The following RFX7 variants were observed in gnomAD, a reference collection of about 807,000 sequenced individuals.
RFX7 encodes regulatory factor X7.
Under a neutral mutation model 111.8 loss-of-function variants are expected in RFX7, and 26 were observed. That is an observed-to-expected ratio of 0.23 (90% CI 0.17 to 0.32). The LOEUF is 0.32. Among genes scored for constraint, RFX7 ranks in the 10% least tolerant of loss-of-function variants. The probability of loss-of-function intolerance (pLI) is 1.00; values close to 1 mark genes in which losing one functional copy is unlikely to be tolerated. For synonymous variants in RFX7, 624 were observed against 624.4 expected (o/e 1.00, Z 0.01); for missense variants, 1,573 against 1,772.9 (o/e 0.89, Z 2.02).
intron 2 of RFX7, among the ~76,000 whole-genome samples, chr15:56,235,234 C>T (rs568641661): frequency 7.9e-5 from 12 of 151,346 alleles, no homozygotes; most frequent in East Asian, 1.9e-4. Flanking sequence ...AGTGCAGTGG[C>T]GTGATCTTGG....
chr15:56,244,722 T>C (rs1460923268), upstream of RFX7, among the ~76,000 whole-genome samples: 1 of 152,006 alleles, frequency 6.6e-6, no homozygotes, highest in Non-Finnish European at 1.5e-5. Context: ...AAGAAACGCA[T>C]GTAGTACTCA....
In RFX7 at chr15:56,243,109, T is replaced by A. The variant is rs1328840717; in HGVS notation, c.161+16A>T. On this transcript the variant is annotated intron_variant, in intron 2 of 9. Transcript: ENST00000559447. ...TGCCTGGGCTTTTTCACGCGAGCGA[T>A]GGAGGATCCTCTTACCAGATGGAGT... 4 of 1,358,442 alleles carry A rather than the reference T, an allele frequency of 2.9e-6. No homozygotes were observed. The highest frequency in any genetic ancestry group is 3.0e-5 in the African/African-American group (2 of 66,922). The allele number at this position is 1,358,442 out of a possible 1,614,324, so 84.1% of individuals were successfully genotyped here.
At chr15:56,228,892 T>A (rs1479305079) in intron 2 of RFX7, among the ~76,000 whole-genome samples, 2 of 152,144 alleles carry the variant, frequency 1.3e-5, no homozygotes, top group African/African-American at 4.8e-5. Flanking sequence ...ATTTATAAAT[T>A]AGGCATAGTA....
At chr15:56,235,991 T>C (rs2043619010) in intron 2 of RFX7, among the ~76,000 whole-genome samples, 1 of 152,168 alleles carries the variant, frequency 6.6e-6, no homozygotes, top group African/African-American at 2.4e-5. Context: ...GATCTTTCAC[T>C]TTCTGCACTC....
intron 5 of RFX7, among the ~76,000 whole-genome samples, chr15:56,124,605 A>T (rs1271341286): frequency 6.6e-6 from 1 of 152,120 alleles, no homozygotes; most frequent in Non-Finnish European, 1.5e-5. Flanking sequence ...TTCCCTGATG[A>T]TTAGTGATGT....
intron 2 of RFX7, among the ~76,000 whole-genome samples, chr15:56,207,754 G>A (rs796373140): frequency 1.6e-4 from 25 of 152,136 alleles, no homozygotes; most frequent in African/African-American, 5.3e-4. Context: ...GTAAGAAGCT[G>A]TAAGTCAACA....
intron 5 of RFX7, among the ~76,000 whole-genome samples, chr15:56,126,401 G>A (rs2042146149): frequency 6.6e-6 from 1 of 152,170 alleles, no homozygotes; most frequent in African/African-American, 2.4e-5. Context: ...CTGAAATAAA[G>A]TAGTTGGAGT....
intron 5 of RFX7, among the ~76,000 whole-genome samples, chr15:56,115,075 A>G (rs182028396): frequency 1.3e-5 from 2 of 152,150 alleles, no homozygotes; most frequent in Admixed American, 6.5e-5. Flanking sequence ...CAATGGCGTG[A>G]TTTCTGCTCA....
chr15:56,109,960 A>G (rs1251096495), intron 5 of RFX7, among the ~76,000 whole-genome samples: 3 of 131,390 alleles, frequency 2.3e-5, no homozygotes, highest in South Asian at 2.5e-4. Flanking sequence ...TCCGGGAGGG[A>G]GGTGGGGGGA....
intron 2 of RFX7, among the ~76,000 whole-genome samples, chr15:56,233,316 C>T (rs1261100012): frequency 1.3e-5 from 2 of 152,144 alleles, no homozygotes; most frequent in Admixed American, 6.5e-5. Context: ...TTTATAAAAC[C>T]ATCAGATCTC....
intron 2 of RFX7, among the ~76,000 whole-genome samples, 176 bp from the exon 3 acceptor site, chr15:56,179,479 C>T (rs1434869116): frequency 1.3e-5 from 2 of 152,068 alleles, no homozygotes; most frequent in Admixed American, 6.6e-5. Context: ...AAACAAAAAT[C>T]TATTTCCCAT....
intron 5 of RFX7, among the ~76,000 whole-genome samples, chr15:56,107,140 A>G (rs1462564384): frequency 1.3e-5 from 2 of 151,888 alleles, no homozygotes; most frequent in Admixed American, 1.3e-4. Context: ...TACTAAAAAT[A>G]CAAAAAATTA....
At chr15:56,133,642 A>C (rs917789051) in intron 5 of RFX7, among the ~76,000 whole-genome samples, 2 of 152,132 alleles carry the variant, frequency 1.3e-5, no homozygotes, top group Non-Finnish European at 2.9e-5. Flanking sequence ...CCTGTGATTT[A>C]AAACTCTTGT....
intron 3 of RFX7, among the ~76,000 whole-genome samples, chr15:56,144,793 G>A (rs767280658): frequency 2.6e-5 from 4 of 152,042 alleles, no homozygotes; most frequent in Non-Finnish European, 5.9e-5. Flanking sequence ...GGTTTTACTT[G>A]TCCTATAGGA....
intron 2 of RFX7, among the ~76,000 whole-genome samples, chr15:56,213,631 C>T (rs941355023): frequency 6.6e-6 from 1 of 152,162 alleles, no homozygotes; most frequent in Non-Finnish European, 1.5e-5. Context: ...TTGGTTGTGA[C>T]AGTGTATGAC....
chr15:56,160,671 G>A (rs2042710013), intron 3 of RFX7: 1 of 151,992 alleles, frequency 6.6e-6, no homozygotes, highest in African/African-American at 2.4e-5. Context: ...AAAATATAAA[G>A]CTTATTCTGT....
At chr15:56,229,253 ATTGTTG>A (rs1202293901) in intron 2 of RFX7, among the ~76,000 whole-genome samples, 4 of 151,980 alleles carry the variant, frequency 2.6e-5, no homozygotes, top group Admixed American at 6.6e-5. Context: ...CTTTGGCCTA[ATTGTTG>A]TTGTTGTTGT....
intron 5 of RFX7, among the ~76,000 whole-genome samples, chr15:56,141,656 A>AATAAATATATATATATATATATATATAT (rs1555421060): frequency 7.2e-5 from 6 of 83,208 alleles, no homozygotes; most frequent in Admixed American, 2.6e-4. Context: ...GCTTACTCTA[A>AATAAATATATATATATATATATATATAT]ATATATATAT....
At chr15:56,225,965 G>A (rs2043478952) in intron 2 of RFX7, among the ~76,000 whole-genome samples, 1 of 152,052 alleles carries the variant, frequency 6.6e-6, no homozygotes, top group Non-Finnish European at 1.5e-5. Context: ...TTTCTTTTAT[G>A]ATGGGAGAGG....
Sources: allele counts gnomAD v4.1 joint callset (sites outside exome capture counted in the v4.1 genomes callset), GRCh38; gene constraint gnomAD v4.1.1; transcripts MANE v1.5; gene names NCBI Gene and HGNC (gene_info 2026-07-23, HGNC 2026-07-21).